Variants in APP observed in about 807,000 individuals in gnomAD.
APP encodes the protein amyloid beta precursor protein.
A neutral mutation model predicts 101.4 loss-of-function variants in APP; 31 were observed. That is an observed-to-expected ratio of 0.31 (90% CI 0.23 to 0.41). The LOEUF (loss-of-function observed/expected upper bound fraction) is 0.41, where lower values mean the gene tolerates loss of function less well. Among genes scored for constraint, APP ranks in the 10% least tolerant of loss-of-function variants. The pLI is 1.00. For missense variants in APP, 839 were observed against 1,003.7 expected (o/e 0.84, Z 2.22); for synonymous variants, 366 against 364.4 (o/e 1.00, Z -0.05).
intron 5 of APP, among the ~76,000 whole-genome samples, chr21:26,024,561 G>A (rs1156907177): frequency 1.3e-5 from 2 of 152,134 alleles, no homozygotes; most frequent in Non-Finnish European, 2.9e-5. Flanking sequence ...AAACCTGAAA[G>A]GCTTTCAAAG....
chr21:26,125,180 G>A (rs9984764), intron 1 of APP, among the ~76,000 whole-genome samples: 1,615 of 152,260 alleles, frequency 0.011, 19 homozygotes, highest in African/African-American at 0.035. Context: ...TGTAATAAAC[G>A]TGTGAAGTCA....
intron 6 of APP, among the ~76,000 whole-genome samples, chr21:26,008,846 A>G (rs1174363611): frequency 2.6e-5 from 4 of 152,194 alleles, no homozygotes; most frequent in African/African-American, 9.7e-5. Context: ...ACCAAGAACA[A>G]TAACACCAAA....
chr21:26,035,373 C>A (rs2045056718), intron 5 of APP, among the ~76,000 whole-genome samples: 1 of 151,966 alleles, frequency 6.6e-6, no homozygotes, highest in Non-Finnish European at 1.5e-5. Flanking sequence ...ATCTGTCAGC[C>A]CGGGGGTTAG....
At chr21:26,025,918 T>C (rs575211127) in intron 5 of APP, among the ~76,000 whole-genome samples, 3 of 152,320 alleles carry the variant, frequency 2.0e-5, no homozygotes, top group South Asian at 2.1e-4. Context: ...GTTTGAATAA[T>C]GCTGCATCTT....
At chr21:26,114,672 T>A (rs2062397173) in intron 1 of APP, among the ~76,000 whole-genome samples, 1 of 152,166 alleles carries the variant, frequency 6.6e-6, no homozygotes, top group Admixed American at 6.5e-5. Flanking sequence ...TCACCCTACC[T>A]GACAAACCAA....
chr21:25,968,413 A>C (rs145121220), intron 11 of APP, among the ~76,000 whole-genome samples: 1,613 of 144,138 alleles, frequency 0.011, 23 homozygotes, highest in African/African-American at 0.039. Flanking sequence ...CTCCCACCTC[A>C]GCCTCCCAAA....
At chr21:25,920,320 T>G (rs2039567942) in intron 13 of APP, among the ~76,000 whole-genome samples, 1 of 152,126 alleles carries the variant, frequency 6.6e-6, no homozygotes, top group African/African-American at 2.4e-5. Flanking sequence ...CTGCATCAAC[T>G]AATGAGCAAA....
At chr21:25,978,832 A>G (rs2146586901) in intron 9 of APP, among the ~76,000 whole-genome samples, 1 of 152,262 alleles carries the variant, frequency 6.6e-6, no homozygotes, top group Middle Eastern at 3.4e-3. Flanking sequence ...CGTGCCTGTA[A>G]TCCCAGTTAC....
intron 13 of APP, among the ~76,000 whole-genome samples, chr21:25,930,907 T>C (rs1402534934): frequency 6.6e-6 from 1 of 152,126 alleles, no homozygotes; most frequent in Non-Finnish European, 1.5e-5. Context: ...CATGGGGGGC[T>C]TGGAAATGAA....
rs879450285 is a variant in APP, at chr21:26,159,086, A to ATT, written c.57+11476_57+11477dup. ...AATGAGAGAAACAATAAGATAGTAA[A>ATT]TTTTTTTTTTTTTTGAGACGGAGTC... is the stretch of plus-strand genomic sequence containing the variant. On this transcript the variant is annotated intron_variant, in intron 1 of 17. Coordinates refer to ENST00000346798, the MANE Select transcript of APP (RefSeq NM_000484.4). Among the ~76,000 whole-genome samples the ATT allele has an allele frequency of 6.7e-3, 982 of 147,282 alleles. 13 individuals are homozygous for ATT. Among genetic ancestry groups the ATT allele is most frequent in the African/African-American group, 0.023 (939 of 40,506 alleles).
At chr21:26,070,510 A>T (rs553196275) in intron 3 of APP, among the ~76,000 whole-genome samples, 41 of 152,330 alleles carry the variant, frequency 2.7e-4, no homozygotes, top group African/African-American at 9.6e-4. Context: ...TATCAGTGGC[A>T]ACTAAGGTAT....
At chr21:26,075,135 T>A (rs2061478533) in intron 3 of APP, among the ~76,000 whole-genome samples, 7 of 152,230 alleles carry the variant, frequency 4.6e-5, no homozygotes, top group Admixed American at 4.6e-4. Flanking sequence ...TCTTTTCCCT[T>A]TCCTTTTCCA....
At chr21:26,084,233 T>A (rs891366813) in intron 3 of APP, among the ~76,000 whole-genome samples, 1 of 61,410 alleles carries the variant, frequency 1.6e-5, no homozygotes, top group Admixed American at 1.6e-4. Flanking sequence ...CTCCATTTTT[T>A]TTTTTTTTTT....
rs200388443 is a variant in APP, at chr21:25,891,818, G to A, written c.2115C>T (p.Leu705=). Residue 705 remains leucine, a synonymous_variant, in exon 17 of 18, where the codon CTC becomes CTT. Transcript: ENST00000346798. ...VGSNKGAIIG[L]MVGGVVIATV... ...TCGCTATGACAACACCGCCCACCAT[G>A]AGTCCAATGATTGCACCTTTGTTTG... is the stretch of plus-strand genomic sequence containing the variant. 16 of 1,613,952 alleles carry A rather than the reference G, an allele frequency of 9.9e-6. No homozygotes were observed. The highest frequency in any genetic ancestry group is 1.6e-4 in the Middle Eastern group (1 of 6,084).
intron 10 of APP, among the ~76,000 whole-genome samples, chr21:25,975,510 C>T (rs1021914440): frequency 1.3e-4 from 20 of 151,960 alleles, no homozygotes; most frequent in Non-Finnish European, 2.6e-4. Context: ...AATATATGCA[C>T]TCTTGAAACT....
chr21:26,140,860 G>A (rs1231417211), intron 1 of APP, among the ~76,000 whole-genome samples: 1 of 152,164 alleles, frequency 6.6e-6, no homozygotes, highest in Non-Finnish European at 1.5e-5. Context: ...AGGGTGGTTG[G>A]GCTAAATGTT....
At chr21:26,080,551 G>A (rs1385256087) in intron 3 of APP, among the ~76,000 whole-genome samples, 2 of 151,888 alleles carry the variant, frequency 1.3e-5, no homozygotes, top group Non-Finnish European at 2.9e-5. Flanking sequence ...GGTGGATCAC[G>A]AGGTCAGGAG....
chr21:26,023,304 A>G (rs2044426169), intron 5 of APP, among the ~76,000 whole-genome samples: 1 of 151,698 alleles, frequency 6.6e-6, no homozygotes, highest in African/African-American at 2.4e-5. Context: ...CTGAGGTGGG[A>G]AAAAACCTAG....
chr21:25,977,215 C>T (rs189454543), intron 9 of APP, among the ~76,000 whole-genome samples: 1 of 152,300 alleles, frequency 6.6e-6, no homozygotes, highest in Non-Finnish European at 1.5e-5. Flanking sequence ...AAGTCTGCAC[C>T]TCTGTATGTT....
Sources: allele counts gnomAD v4.1 joint callset (sites outside exome capture counted in the v4.1 genomes callset), GRCh38; gene constraint gnomAD v4.1.1; transcripts MANE v1.5; gene names NCBI Gene and HGNC (gene_info 2026-07-23, HGNC 2026-07-21).